Variants in DLG2 observed in about 807,000 individuals in gnomAD.
DLG2 encodes the protein disks large homolog 2.
A neutral mutation model predicts 132.5 loss-of-function variants in DLG2; 45 were observed. The ratio of observed to expected loss-of-function variants is 0.34; its 90% CI spans 0.27 to 0.44. The LOEUF (loss-of-function observed/expected upper bound fraction) is 0.44. Ranked by LOEUF, DLG2 falls within the 20% of genes least tolerant of loss-of-function variation. The pLI is 1.00. For synonymous variants in DLG2, 424 were observed against 419.6 expected, an observed-to-expected ratio of 1.01 and a Z score of -0.13; for missense variants, 1,045 against 1,196.9, an observed-to-expected ratio of 0.87 and a Z score of 1.87.
intron 18 of DLG2, among the ~76,000 whole-genome samples, chr11:83,677,886 C>T (rs2078044136): frequency 6.6e-6 from 1 of 152,180 alleles, no homozygotes. Flanking sequence ...ACATTGATAG[C>T]CATCTCTGCT....
At position 85,114,669 on chromosome 11, in the gene DLG2, A is replaced by T. The variant is rs189767360; in HGVS notation, c.283-2934T>A. ...CTGTTTCTCACTTTAGAATCTTGAC[A>T]TATTTCATTCCAGAATATTCTGAGA... On this transcript the variant is annotated intron_variant, in intron 5 of 27. Coordinates refer to ENST00000376104, the MANE Select transcript of DLG2 (RefSeq NM_001142699.3). Among the ~76,000 whole-genome samples, 3 of 152,088 alleles carry T rather than the reference A, an allele frequency of 2.0e-5. No individual in the cohort carries two copies. In the East Asian group the frequency reaches 5.8e-4, roughly 29 times the overall value.
At chr11:84,066,325 C>G (rs1167246559) in intron 10 of DLG2, among the ~76,000 whole-genome samples, 1 of 152,190 alleles carries the variant, frequency 6.6e-6, no homozygotes, top group Non-Finnish European at 1.5e-5. Context: ...TATTTCCCTT[C>G]CCTTGCCCAC....
intron 19 of DLG2, among the ~76,000 whole-genome samples, chr11:83,553,529 T>TGTGTGTGTGTGTG (rs1565773394): frequency 1.4e-5 from 2 of 143,380 alleles, no homozygotes; most frequent in African/African-American, 5.1e-5. Context: ...TGTGTGTGTG[T>TGTGTGTGTGTGTG]TTGCTGCTGC....
At chr11:84,533,424 G>A (rs2099347519) in intron 7 of DLG2, among the ~76,000 whole-genome samples, 1 of 152,126 alleles carries the variant, frequency 6.6e-6, no homozygotes, top group South Asian at 2.1e-4. Context: ...ATGAATCCCA[G>A]AAGCATAATA....
intron 7 of DLG2, among the ~76,000 whole-genome samples, chr11:84,506,728 A>G (rs77544764): frequency 0.054 from 8,198 of 152,274 alleles, 267 homozygotes; most frequent in South Asian, 0.095. Flanking sequence ...TACAAAACCA[A>G]TAAAGGAGTG....
chr11:85,496,970 A>G (rs1353359097), intron 3 of DLG2, among the ~76,000 whole-genome samples: 1 of 152,190 alleles, frequency 6.6e-6, no homozygotes, highest in East Asian at 1.9e-4. Flanking sequence ...AAAGACGGGG[A>G]GAAACCACAG....
chr11:84,781,936 G>T (rs1197482477), intron 6 of DLG2, among the ~76,000 whole-genome samples: 2 of 152,104 alleles, frequency 1.3e-5, no homozygotes, highest in African/African-American at 4.8e-5. Flanking sequence ...ACAGACCTAG[G>T]ATGCAAGAAG....
At chr11:85,149,770 G>A (rs925848747) in intron 5 of DLG2, among the ~76,000 whole-genome samples, 31 of 151,986 alleles carry the variant, frequency 2.0e-4, no homozygotes, top group African/African-American at 7.5e-4. Flanking sequence ...AAATATATGA[G>A]ACTTAACAAA....
At chr11:85,065,473 G>C (rs2154162387) in intron 6 of DLG2, among the ~76,000 whole-genome samples, 1 of 151,606 alleles carries the variant, frequency 6.6e-6, no homozygotes, top group Non-Finnish European at 1.5e-5. Context: ...ATTTCCCCAA[G>C]TTGCACAATT....
intron 18 of DLG2, among the ~76,000 whole-genome samples, chr11:83,701,312 TA>T (rs2153642455): frequency 6.6e-6 from 1 of 152,262 alleles, no homozygotes; most frequent in African/African-American, 2.4e-5. Context: ...ATCCCTACCT[TA>T]TAGGGATGTT....
chr11:84,790,136 T>C (rs970082047), intron 6 of DLG2, among the ~76,000 whole-genome samples: 1 of 152,172 alleles, frequency 6.6e-6, no homozygotes, highest in Non-Finnish European at 1.5e-5. Flanking sequence ...GGTAGCTCTA[T>C]ATTTAGTTTT....
intron 7 of DLG2, among the ~76,000 whole-genome samples, chr11:84,425,402 C>G (rs2098963110): frequency 6.6e-6 from 1 of 152,098 alleles, no homozygotes; most frequent in African/African-American, 2.4e-5. Flanking sequence ...TAACTGCTAA[C>G]AAGCATTATT....
At chr11:84,922,958 G>T in intron 6 of DLG2, 1 of 1,276,844 alleles carries the variant, frequency 7.8e-7, no homozygotes, top group East Asian at 2.4e-5. Flanking sequence ...GCAACCACCT[G>T]TAATAATCTG....
chr11:84,826,239 T>C (rs1478112053), intron 6 of DLG2, among the ~76,000 whole-genome samples: 2 of 151,920 alleles, frequency 1.3e-5, no homozygotes, highest in Admixed American at 6.6e-5. Context: ...AAATGTACAA[T>C]TAAATTAGAA....
At chr11:83,879,278 GT>G (rs1489105521) in intron 15 of DLG2, among the ~76,000 whole-genome samples, 3 of 152,074 alleles carry the variant, frequency 2.0e-5, no homozygotes, top group African/African-American at 7.2e-5. Context: ...AGCACAAAAA[GT>G]TTTTTGTGTA....
chr11:84,417,237 A>G (rs1251690981), intron 7 of DLG2, among the ~76,000 whole-genome samples: 1 of 152,198 alleles, frequency 6.6e-6, no homozygotes, highest in Non-Finnish European at 1.5e-5. Flanking sequence ...TTCTTAATTC[A>G]CACTTATTAT....
At chr11:83,546,655 T>A (rs1011662004) in intron 19 of DLG2, among the ~76,000 whole-genome samples, 2 of 151,780 alleles carry the variant, frequency 1.3e-5, no homozygotes, top group African/African-American at 4.9e-5. Flanking sequence ...GATTAAAGTA[T>A]AGGTAGATGT....
chr11:83,617,327 T>C (rs2060974068), intron 19 of DLG2, among the ~76,000 whole-genome samples: 1 of 152,204 alleles, frequency 6.6e-6, no homozygotes, highest in Non-Finnish European at 1.5e-5. Flanking sequence ...TTTAATAACA[T>C]TTGTGGCTTT....
chr11:83,970,913 C>T (rs563833758), intron 12 of DLG2, among the ~76,000 whole-genome samples: 42 of 152,024 alleles, frequency 2.8e-4, no homozygotes, highest in African/African-American at 8.9e-4. Flanking sequence ...AGAATAGTAC[C>T]GGATTTGGAC....
Sources: allele counts gnomAD v4.1 joint callset (sites outside exome capture counted in the v4.1 genomes callset), GRCh38; gene constraint gnomAD v4.1.1; transcripts MANE v1.5; gene names NCBI Gene and HGNC (gene_info 2026-07-23, HGNC 2026-07-21).